JAK2: variants seen among roughly 807,000 people sequenced by gnomAD.
JAK2 encodes Janus kinase 2, also known as tyrosine-protein kinase JAK2.
JAK2 carries 86 observed loss-of-function variants against 139.3 expected under a neutral mutation model. The observed-to-expected ratio is 0.62, with a 90% CI of 0.52 to 0.74. JAK2 has a LOEUF of 0.74. Ranked by LOEUF, JAK2 falls within the 30% of genes least tolerant of loss-of-function variation. The pLI, the probability that JAK2 is intolerant of heterozygous loss-of-function variation, is 0.00. For missense variants in JAK2, 1,421 were observed against 1,360.3 expected (o/e 1.04, Z -0.70); for synonymous variants, 490 against 437.7 (o/e 1.12, Z -1.49).
chr9:5,017,667 A>G (rs1020417166), intron 2 of JAK2, among the ~76,000 whole-genome samples: 2 of 152,202 alleles, frequency 1.3e-5, no homozygotes, highest in African/African-American at 2.4e-5. Flanking sequence ...AATACTGACT[A>G]TAATAAGATA....
rs2130871587 is a variant in JAK2 at position 5,128,144 on chromosome 9, C to T, written c.*1353C>T. The T allele has an allele frequency of 4.4e-6, 1 of 227,558 alleles. No individual in the cohort carries two copies. The highest frequency in any genetic ancestry group is 6.1e-5 in the East Asian group (1 of 16,288). 14.1% of individuals were successfully genotyped at this position (227,558 alleles called of 1,614,324 possible). A position where few individuals can be genotyped will look rare whatever the true frequency, so the allele number is the denominator to read the frequency against. Reference sequence around the variant, plus strand: ...TGTTATTTATACAAAACTTAAAATACTTGCTGTTTTGATTAAAAAGAAAAT... The same window carrying T: ...TGTTATTTATACAAAACTTAAAATATTTGCTGTTTTGATTAAAAAGAAAAT... On this transcript the variant is annotated 3_prime_UTR_variant, in exon 25 of 25. Transcript: ENST00000381652.
chr9:5,101,701 T>C (rs943146349), intron 22 of JAK2, among the ~76,000 whole-genome samples: 4 of 152,194 alleles, frequency 2.6e-5, no homozygotes, highest in Non-Finnish European at 5.9e-5. Context: ...GCAGCAACAT[T>C]GGCTGTTCTG....
chr9:5,055,618 A>G, intron 7 of JAK2, 51 bp from the exon 8 acceptor site: 1 of 1,405,240 alleles, frequency 7.1e-7, no homozygotes, highest in Non-Finnish European at 9.8e-7. Context: ...TTGTTTTAAA[A>G]TGGCTCTGTA....
chr9:5,034,129 C>G (rs1264953230), intron 4 of JAK2, among the ~76,000 whole-genome samples: 1 of 152,006 alleles, frequency 6.6e-6, no homozygotes, highest in Non-Finnish European at 1.5e-5. Flanking sequence ...CAACAAAGAT[C>G]AAAAGAAACA....
In JAK2 at chr9:5,055,532, C is replaced by T. The variant is rs139525843; in HGVS notation, c.937-137C>T. 455 of 618,604 alleles carry T rather than the reference C, an allele frequency of 7.4e-4. 3 individuals carry two copies. The highest frequency in any genetic ancestry group is 7.0e-3 in the African/African-American group (376 of 54,020). The allele number at this position is 618,604 out of a possible 1,614,324, so 38.3% of individuals were successfully genotyped here. Reference sequence around the variant, plus strand: ...AGGGTTAGATTGATAGAGTAAATCACGTTTAATGCTTATCTATTGTTATCA... The same window carrying T: ...AGGGTTAGATTGATAGAGTAAATCATGTTTAATGCTTATCTATTGTTATCA... On this transcript the variant is annotated intron_variant, in intron 7 of 24. Transcript: ENST00000381652.
intron 3 of JAK2, among the ~76,000 whole-genome samples, chr9:5,029,422 G>T (rs1299117310): frequency 6.6e-6 from 1 of 152,100 alleles, no homozygotes. Context: ...TTGAAGTATT[G>T]CAAGAATTAC....
intron 10 of JAK2, among the ~76,000 whole-genome samples, chr9:5,068,309 C>T (rs965434042): frequency 1.3e-5 from 2 of 151,758 alleles, no homozygotes; most frequent in African/African-American, 4.8e-5. Context: ...AATAGGTGAA[C>T]AAGTTCATAA....
rs1411836907 is a variant in JAK2 at position 5,126,303 on chromosome 9, CA to C, written c.3178-24del. ...AGAATTTTGCTACAAATTAAATGTA[CA>C]AAAAATATTGAAAGTGGGTTTGTTT... On this transcript the variant is annotated intron_variant, in intron 23 of 24. Transcript: ENST00000381652. The C allele has an allele frequency of 6.8e-6, 10 of 1,477,880 alleles. No individual in the cohort carries two copies. The African/African-American group carries it at 1.1e-4, about 17-fold the overall frequency. 91.5% of individuals were successfully genotyped at this position (1,477,880 alleles called of 1,614,324 possible).
chr9:5,066,717 T>G lies in JAK2; in HGVS notation c.1254T>G (p.Asn418Lys). 6.2e-7 allele frequency: 1 copy of G among 1,610,856 alleles called. No homozygotes were observed. Among genetic ancestry groups the G allele is most frequent in the Non-Finnish European group, 8.5e-7 (1 of 1,178,114 alleles). ...TTAGTAAACTGAAGAAAGCAGGTAATCAGACTGGACTGTATGTACTTCGAT... is the reference window on the plus strand; with the variant it reads ...TTAGTAAACTGAAGAAAGCAGGTAAGCAGACTGGACTGTATGTACTTCGAT... Reference protein sequence around the residue: ...FAISKLKKAGNQTGLYVLRCS... With the variant: ...FAISKLKKAGKQTGLYVLRCS... Residue 418 changes from asparagine (N) to lysine (K), a missense_variant, in exon 10 of 25, where the codon AAT becomes AAG. By Grantham distance (94) the Asn-to-Lys change is moderately conservative. Coordinates refer to ENST00000381652, the MANE Select transcript of JAK2 (RefSeq NM_004972.4).
chr9:5,104,812 T>C (rs1198112672), intron 22 of JAK2, among the ~76,000 whole-genome samples: 3 of 152,170 alleles, frequency 2.0e-5, no homozygotes, highest in South Asian at 4.1e-4. Flanking sequence ...AAAAACCACA[T>C]GATTATTTCA....
At chr9:5,012,513 G>A (rs563680842) in intron 2 of JAK2, among the ~76,000 whole-genome samples, 2 of 152,272 alleles carry the variant, frequency 1.3e-5, no homozygotes, top group Non-Finnish European at 1.5e-5. Context: ...TGGGGCAGAA[G>A]GGAATGCACA....
chr9:5,082,363 C>T (rs943544533), intron 19 of JAK2, among the ~76,000 whole-genome samples: 1 of 152,188 alleles, frequency 6.6e-6, no homozygotes, highest in Non-Finnish European at 1.5e-5. Flanking sequence ...GCACATAGGC[C>T]AGATTTATGC....
At chr9:5,126,562 C>G in intron 24 of JAK2, 116 bp downstream of exon 24, 1 of 928,214 alleles carries the variant, frequency 1.1e-6, no homozygotes, top group African/African-American at 1.7e-5. Flanking sequence ...ACAGCATAAT[C>G]AGATGACTGT....
At chr9:5,019,719 G>T (rs1201712734) in intron 2 of JAK2, among the ~76,000 whole-genome samples, 1 of 152,190 alleles carries the variant, frequency 6.6e-6, no homozygotes, top group Non-Finnish European at 1.5e-5. Context: ...AGATTTGACT[G>T]GGGTGTTTGT....
intron 2 of JAK2, among the ~76,000 whole-genome samples, chr9:4,987,056 C>A (rs531863705): frequency 6.6e-6 from 1 of 152,324 alleles, no homozygotes; most frequent in East Asian, 1.9e-4. Flanking sequence ...GAATTATTTG[C>A]TTGTACATGC....
intron 14 of JAK2, among the ~76,000 whole-genome samples, chr9:5,075,830 C>G (rs988403533): frequency 1.3e-5 from 2 of 152,118 alleles, no homozygotes; most frequent in African/African-American, 4.8e-5. Flanking sequence ...AGTGATTCCT[C>G]TGGTGGATCT....
At position 5,067,563 on chromosome 9, in the gene JAK2, C is replaced by G. The variant is rs527438894; in HGVS notation, c.1326+774C>G. Among the ~76,000 whole-genome samples, 36 of 151,814 alleles carry G rather than the reference C, an allele frequency of 2.4e-4. 3 individuals are homozygous for G. In the South Asian group the frequency reaches 4.8e-3, roughly 20 times the overall value. Reference sequence around the variant, plus strand: ...AAGGGAGGTTATGCCATCACTTTACCTTTGTGTAAAACTGGTAATCTATCC... The same window carrying G: ...AAGGGAGGTTATGCCATCACTTTACGTTTGTGTAAAACTGGTAATCTATCC... On this transcript the variant is annotated intron_variant, in intron 10 of 24. Transcript: ENST00000381652.
intron 4 of JAK2, chr9:5,041,595 G>T (rs1230886686): frequency 4.0e-6 from 2 of 497,410 alleles, no homozygotes; most frequent in African/African-American, 2.0e-5. Context: ...CCTGGACTTT[G>T]AGAAGCCCGA....
chr9:5,105,997 G>A lies in JAK2; in HGVS notation c.3059+15086G>A, dbSNP rs1821924130. The stretch of plus-strand genomic sequence containing the variant: ...CTAGGCAATACCATTCAGGACATAG[G>A]TGTGGGCAAGGACTTCATGATGAAA... On this transcript the variant is annotated intron_variant, in intron 22 of 24. Coordinates refer to ENST00000381652, the MANE Select transcript of JAK2 (RefSeq NM_004972.4). Among the ~76,000 whole-genome samples the A allele has an allele frequency of 3.4e-5, 3 of 88,110 alleles. No individual in the cohort carries two copies. The South Asian group carries it at 1.3e-3, about 37-fold the overall frequency. 57.8% of individuals were successfully genotyped at this position (88,110 alleles called of 152,430 possible).
Sources: gnomAD v4.1 joint callset for allele counts (sites outside exome capture counted in the v4.1 genomes callset) on GRCh38, gnomAD v4.1.1 for gene constraint, MANE v1.5 for transcripts, NCBI Gene and HGNC (gene_info 2026-07-23, HGNC 2026-07-21) for gene names.